The following SLC16A2 variants were observed in gnomAD, a reference collection of about 807,000 sequenced individuals.
SLC16A2 encodes solute carrier family 16 member 2.
Under a neutral mutation model 27.2 loss-of-function variants are expected in SLC16A2, and 3 were observed. The ratio of observed to expected loss-of-function variants is 0.11; its 90% CI spans 0.05 to 0.28. The LOEUF (loss-of-function observed/expected upper bound fraction) is 0.28. Ranked by LOEUF, SLC16A2 falls within the 10% of genes least tolerant of loss-of-function variation. The pLI, the probability that SLC16A2 is intolerant of heterozygous loss-of-function variation, is 1.00. For synonymous variants in SLC16A2, 202 were observed against 187.8 expected (o/e 1.08, Z -0.62); for missense variants, 295 against 458.5 (o/e 0.64, Z 3.26).
chrX:74,474,372 G>A (rs1467509595), intron 1 of SLC16A2, among the ~76,000 whole-genome samples: 1 of 110,622 alleles, frequency 9.0e-6, no homozygotes, highest in African/African-American at 3.3e-5. Flanking sequence ...ATTGTTTATT[G>A]CTAGTATATA....
intron 1 of SLC16A2, among the ~76,000 whole-genome samples, chrX:74,465,464 C>A (rs1373582462): frequency 1.8e-5 from 2 of 111,173 alleles, no homozygotes; most frequent in Admixed American, 1.9e-4. Context: ...CGATCAGGTT[C>A]TTGCTGCTCT....
At chrX:74,469,261 T>A (rs1163752964) in intron 1 of SLC16A2, among the ~76,000 whole-genome samples, 1 of 112,161 alleles carries the variant, frequency 8.9e-6, no homozygotes, top group African/African-American at 3.2e-5. Flanking sequence ...TCTTAGCTAT[T>A]GCATATAGTG....
intron 1 of SLC16A2, among the ~76,000 whole-genome samples, chrX:74,519,300 C>T (rs1219763155): frequency 3.7e-5 from 4 of 108,074 alleles, no homozygotes; most frequent in Non-Finnish European, 5.8e-5. Flanking sequence ...GCCTCAGCCT[C>T]GCTAGTAGCT....
intron 1 of SLC16A2, among the ~76,000 whole-genome samples, chrX:74,434,547 A>C (rs1338845740): frequency 9.0e-6 from 1 of 110,921 alleles, no homozygotes; most frequent in African/African-American, 3.3e-5. Flanking sequence ...GGGAGGGGGA[A>C]TGTTTGGGCA....
intron 1 of SLC16A2, among the ~76,000 whole-genome samples, chrX:74,481,380 C>A (rs1234401942): frequency 1.8e-5 from 2 of 111,885 alleles, no homozygotes; most frequent in Admixed American, 1.9e-4. Context: ...CTAATTCTAT[C>A]TTTTTACTTG....
intron 1 of SLC16A2, among the ~76,000 whole-genome samples, chrX:74,513,864 G>A: frequency 8.9e-6 from 1 of 111,911 alleles, no homozygotes; most frequent in Middle Eastern, 4.6e-3. Flanking sequence ...CTACTCCACT[G>A]TGAGATCCTT....
chrX:74,514,888 G>T (rs1242731840), intron 1 of SLC16A2, among the ~76,000 whole-genome samples: 1 of 111,920 alleles, frequency 8.9e-6, no homozygotes, highest in East Asian at 2.8e-4. Context: ...CCCCCATTTG[G>T]TAGTAATGAA....
chrX:74,522,353 G>A (rs1044816769), intron 2 of SLC16A2, among the ~76,000 whole-genome samples: 7 of 111,874 alleles, frequency 6.3e-5, no homozygotes, highest in Non-Finnish European at 1.3e-4. Context: ...AGCAGAGCTT[G>A]GATTTGGCCT....
intron 2 of SLC16A2, among the ~76,000 whole-genome samples, chrX:74,522,994 C>T (rs1930431333): frequency 9.7e-6 from 1 of 102,692 alleles, no homozygotes; most frequent in South Asian, 4.8e-4. Context: ...GCATCCATCC[C>T]TGGGGCCCAG....
intron 2 of SLC16A2, among the ~76,000 whole-genome samples, chrX:74,522,474 A>G (rs1930421786): frequency 9.0e-6 from 1 of 111,529 alleles, no homozygotes; most frequent in Admixed American, 9.5e-5. Flanking sequence ...ACCTTTTCAG[A>G]ACCCCTCTGG....
At chrX:74,519,271 G>A (rs1268204977) in intron 1 of SLC16A2, among the ~76,000 whole-genome samples, 4 of 107,513 alleles carry the variant, frequency 3.7e-5, no homozygotes. Flanking sequence ...TCCGCCTCTT[G>A]GGTTCAAGCG....
chrX:74,470,947 A>G (rs1001849304), intron 1 of SLC16A2, among the ~76,000 whole-genome samples: 1 of 112,017 alleles, frequency 8.9e-6, no homozygotes, highest in Non-Finnish European at 1.9e-5. Flanking sequence ...CAAAAAAAAA[A>G]AATCAAGTTA....
At chrX:74,497,978 A>G (rs965580045) in intron 1 of SLC16A2, among the ~76,000 whole-genome samples, 2 of 111,755 alleles carry the variant, frequency 1.8e-5, no homozygotes, top group African/African-American at 3.3e-5. Flanking sequence ...AAATGATGAC[A>G]GTAAGGGAAA....
intron 1 of SLC16A2, among the ~76,000 whole-genome samples, chrX:74,432,169 G>A (rs1447722160): frequency 9.0e-6 from 1 of 111,457 alleles, no homozygotes; most frequent in South Asian, 3.8e-4. Context: ...GTGGGGTGGA[G>A]TTAGGGTGTC....
intron 1 of SLC16A2, among the ~76,000 whole-genome samples, chrX:74,508,226 G>T (rs941561245): frequency 1.8e-5 from 2 of 111,520 alleles, no homozygotes. Context: ...TTAAATTTGA[G>T]AATCAACTTG....
intron 1 of SLC16A2, among the ~76,000 whole-genome samples, chrX:74,460,668 T>C (rs1929121724): frequency 9.0e-6 from 1 of 111,526 alleles, no homozygotes; most frequent in Non-Finnish European, 1.9e-5. Flanking sequence ...GTTTGTTTTT[T>C]GAGACGGAGT....
intron 1 of SLC16A2, chrX:74,473,546 A>G (rs1211773606): frequency 2.8e-6 from 2 of 712,993 alleles, no homozygotes; most frequent in South Asian, 2.1e-5. Flanking sequence ...CATGATTTCA[A>G]TTACTTCAAT....
intron 5 of SLC16A2, 85 bp downstream of exon 5, chrX:74,529,526 G>A: frequency 1.4e-6 from 1 of 712,431 alleles, no homozygotes; most frequent in Admixed American, 3.2e-5. Context: ...TCTCCTTGAG[G>A]CCCCTTTTCC....
chrX:74,463,687 C>T (rs1929196907), intron 1 of SLC16A2, among the ~76,000 whole-genome samples: 2 of 110,948 alleles, frequency 1.8e-5, no homozygotes, highest in South Asian at 3.9e-4. Context: ...CCACCATACC[C>T]GGCTAATTTT....
Sources: allele counts gnomAD v4.1 joint callset (sites outside exome capture counted in the v4.1 genomes callset), GRCh38; gene constraint gnomAD v4.1.1; transcripts MANE v1.5; gene names NCBI Gene and HGNC (gene_info 2026-07-23, HGNC 2026-07-21).